Variants in NIN observed in about 807,000 individuals in gnomAD.
NIN encodes the protein glycogen synthase kinase 3 beta-interacting protein.
In NIN, 137 loss-of-function variants were observed where a neutral mutation model predicts 257.6. The observed-to-expected ratio is 0.53, with a 90% CI of 0.46 to 0.61. NIN has a LOEUF of 0.61. NIN is among the 20% of genes least tolerant of loss of function. NIN has a pLI of 0.00. For missense variants in NIN, 2,439 were observed against 2,501.2 expected, an observed-to-expected ratio of 0.98 and a Z score of 0.53; for synonymous variants, 918 against 919.8, an observed-to-expected ratio of 1.00 and a Z score of 0.04.
intron 28 of NIN, among the ~76,000 whole-genome samples, chr14:50,732,881 C>T (rs754189852): frequency 1.2e-4 from 18 of 151,710 alleles, no homozygotes; most frequent in Non-Finnish European, 2.4e-4. Flanking sequence ...GCGCATGCCA[C>T]GGCGCCCGGC....
intron 28 of NIN, among the ~76,000 whole-genome samples, chr14:50,734,258 T>A (rs1301770081): frequency 1.3e-5 from 2 of 151,716 alleles, no homozygotes; most frequent in Admixed American, 6.6e-5. Context: ...CCCAGCTAAT[T>A]TTTTTGTATT....
rs1243096124 is a variant in NIN at position 50,721,941 on chromosome 14, G to A, written c.*1522C>T. 8 of 226,530 alleles carry A rather than the reference G, an allele frequency of 3.5e-5. No individual in the cohort carries two copies. Among genetic ancestry groups the A allele is most frequent in the African/African-American group, 1.8e-4 (8 of 44,954 alleles). 14.0% of individuals were successfully genotyped at this position (226,530 alleles called of 1,614,324 possible). A position where few individuals can be genotyped will look rare whatever the true frequency, so the allele number is the denominator to read the frequency against. ...GACATGATGACTTCTTGGGCAGTTT[G>A]CTTTCTCTTGTGTTCCTGCCCATAA... On this transcript the variant is annotated 3_prime_UTR_variant, in exon 31 of 31. Transcript: ENST00000530997.
At chr14:50,727,842 AT>A in intron 29 of NIN, 1 of 1,175,252 alleles carries the variant, frequency 8.5e-7, no homozygotes, top group Non-Finnish European at 1.2e-6. Flanking sequence ...AATGCAAACA[AT>A]TTTTAAAAGC....
rs1396394532 is a variant in NIN at position 50,719,835 on chromosome 14, T to C, written c.*3628A>G. 5.1e-6 allele frequency: 1 copy of C among 197,798 alleles called. No homozygotes were observed. The highest frequency in any genetic ancestry group is 8.0e-5 in the East Asian group (1 of 12,576). The allele number at this position is 197,798 out of a possible 1,614,324, so 12.3% of individuals were successfully genotyped here. On this transcript the variant is annotated 3_prime_UTR_variant, in exon 31 of 31. Coordinates refer to ENST00000530997, the MANE Select transcript of NIN (RefSeq NM_020921.4). ...CAAAAGGCATGTTTGCAAAATTATT[T>C]ATTTACATCTTAAGCTCACATTAAA... is the stretch of plus-strand genomic sequence containing the variant.
At chr14:50,754,921 G>T in intron 18 of NIN, 54 bp from the exon 19 acceptor site, 3 of 1,288,980 alleles carry the variant, frequency 2.3e-6, no homozygotes, top group Non-Finnish European at 1.1e-6. Flanking sequence ...TGGCATCTTT[G>T]GAAAATATTT....
chr14:50,737,646 G>T lies in NIN; in HGVS notation c.5775+494C>A, dbSNP rs374320713. ...GCTTAAATTGTGGTTTTTTGTTGTT[G>T]TTTTTTTTTTTTTTTTTTAAACAGA... On this transcript the variant is annotated intron_variant, in intron 27 of 30. Transcript: ENST00000530997. 5.2e-4 allele frequency among the ~76,000 whole-genome samples: 71 copies of T among 137,038 alleles called. 1 individual carries two copies. Among genetic ancestry groups the T allele is most frequent in the South Asian group, 1.9e-3 (8 of 4,226 alleles). The allele number at this position is 137,038 out of a possible 152,430, so 89.9% of individuals were successfully genotyped here.
At chr14:50,789,731 G>C (rs1279308001) in intron 5 of NIN, among the ~76,000 whole-genome samples, 1 of 152,096 alleles carries the variant, frequency 6.6e-6, no homozygotes, top group African/African-American at 2.4e-5. Flanking sequence ...AAGATCACTG[G>C]GTCTCCTAAG....
chr14:50,783,366 T>A (rs1012196386), intron 5 of NIN, among the ~76,000 whole-genome samples: 1 of 152,092 alleles, frequency 6.6e-6, no homozygotes, highest in South Asian at 2.1e-4. Flanking sequence ...AGTTTAAACA[T>A]GTTTTAAAGT....
chr14:50,759,527 T>A (rs931676997), intron 17 of NIN, among the ~76,000 whole-genome samples: 3 of 151,246 alleles, frequency 2.0e-5, no homozygotes, highest in African/African-American at 7.3e-5. Context: ...GGAGTCTCGC[T>A]CTGTCGCCCA....
chr14:50,777,300 T>C (rs1298368488), intron 6 of NIN, among the ~76,000 whole-genome samples, 161 bp from the exon 7 acceptor site: 1 of 152,220 alleles, frequency 6.6e-6, no homozygotes, highest in Non-Finnish European at 1.5e-5. Flanking sequence ...TGAAACAGAA[T>C]CAATGGTTCT....
intron 3 of NIN, among the ~76,000 whole-genome samples, chr14:50,814,402 A>T (rs1021376134): frequency 2.0e-5 from 3 of 152,344 alleles, no homozygotes; most frequent in Admixed American, 2.0e-4. Context: ...AGCCAAATAC[A>T]GCAAGTTAAC....
Position 50,758,561 on chromosome 14 carries a change from C to G in NIN, c.2469G>C (p.Gln823His). 6.2e-7 allele frequency: 1 copy of G among 1,611,962 alleles called. No homozygotes were observed. ...CGCTTTCACACCTCTCAGTGACTTTCTGACAATCAGACTGAAACTGGGCTT... is the reference window on the plus strand; with the variant it reads ...CGCTTTCACACCTCTCAGTGACTTTGTGACAATCAGACTGAAACTGGGCTT... ...QIEAQFQSDCQKVTERCESAL... is the reference protein window; with the variant it reads ...QIEAQFQSDCHKVTERCESAL... The change falls in exon 18 of 31, where the codon CAG becomes CAC. Residue 823 changes from glutamine (Q) to histidine (H), a missense_variant. Gln to His is a conservative substitution (Grantham distance 24). Coordinates refer to ENST00000530997, the MANE Select transcript of NIN (RefSeq NM_020921.4).
intron 4 of NIN, among the ~76,000 whole-genome samples, chr14:50,805,172 T>C (rs2044266643): frequency 6.6e-6 from 1 of 152,218 alleles, no homozygotes; most frequent in Admixed American, 6.5e-5. Flanking sequence ...ATATTACCTA[T>C]GCTCACGTTA....
chr14:50,759,705 G>A (rs1046382184), intron 17 of NIN, 152 bp downstream of exon 17: 12 of 768,738 alleles, frequency 1.6e-5, no homozygotes, highest in Non-Finnish European at 2.3e-5. Context: ...ATGTTAGCCA[G>A]GTCTCGATCT....
At chr14:50,753,615 T>C (rs1246054981) in intron 20 of NIN, among the ~76,000 whole-genome samples, 1 of 152,224 alleles carries the variant, frequency 6.6e-6, no homozygotes, top group Non-Finnish European at 1.5e-5. Flanking sequence ...TTTAGAATTA[T>C]TTTTTAGAAG....
chr14:50,822,551 G>A (rs547314953), intron 2 of NIN, among the ~76,000 whole-genome samples: 124 of 152,336 alleles, frequency 8.1e-4, no homozygotes, highest in Middle Eastern at 6.8e-3. Flanking sequence ...TAGCTGGCAA[G>A]CTTTAGACAA....
chr14:50,749,802 G>A (rs2041711162), intron 21 of NIN, among the ~76,000 whole-genome samples: 1 of 152,106 alleles, frequency 6.6e-6, no homozygotes, highest in Admixed American at 6.6e-5. Flanking sequence ...CGATTCTCCT[G>A]CCTCAGCCTC....
intron 3 of NIN, among the ~76,000 whole-genome samples, chr14:50,809,048 C>G (rs927188457): frequency 2.6e-5 from 4 of 152,106 alleles, no homozygotes; most frequent in South Asian, 2.1e-4. Context: ...TGGTGAAACC[C>G]CGTCTCCACT....
chr14:50,821,265 T>C (rs76579968), intron 3 of NIN, among the ~76,000 whole-genome samples: 1,886 of 152,354 alleles, frequency 0.012, 44 homozygotes, highest in African/African-American at 0.042. Flanking sequence ...CTCTCACTTC[T>C]TACTCACATC....
Sources: gnomAD v4.1 joint callset for allele counts (sites outside exome capture counted in the v4.1 genomes callset) on GRCh38, gnomAD v4.1.1 for gene constraint, MANE v1.5 for transcripts, NCBI Gene and HGNC (gene_info 2026-07-23, HGNC 2026-07-21) for gene names.